Variants in TULP3 observed in about 807,000 individuals in gnomAD.
TULP3 encodes the protein tubby-related protein 3.
In TULP3, 38 loss-of-function variants were observed where a neutral mutation model predicts 50.7. The observed-to-expected ratio is 0.75, with a 90% CI of 0.58 to 0.98. The LOEUF (loss-of-function observed/expected upper bound fraction) is 0.98. Among genes scored for constraint, TULP3 ranks in the 50% least tolerant of loss-of-function variants. TULP3 has a pLI of 0.00. For missense variants in TULP3, 550 were observed against 568.0 expected (o/e 0.97, Z 0.32); for synonymous variants, 183 against 196.6 (o/e 0.93, Z 0.58).
Position 2,920,984 on chromosome 12 carries a change from G to A in TULP3, c.253+62G>A, listed in dbSNP as rs900686027. The A allele has an allele frequency of 1.1e-5, 17 of 1,594,026 alleles. No individual in the cohort carries two copies. The Admixed American group carries it at 1.4e-4, about 13-fold the overall frequency. Reference sequence around the variant, plus strand: ...CAATTTTCACAAACCTAGAAGGCACGAGGATTGTCAGACGGACCAAAGGGA... The same window carrying A: ...CAATTTTCACAAACCTAGAAGGCACAAGGATTGTCAGACGGACCAAAGGGA... On this transcript the variant is annotated intron_variant, in intron 3 of 10. Transcript: ENST00000448120.
chr12:2,902,864 ATT>A (rs55745440), intron 1 of TULP3, among the ~76,000 whole-genome samples: 19 of 144,774 alleles, frequency 1.3e-4, no homozygotes, highest in Non-Finnish European at 1.8e-4. Flanking sequence ...GGGCAATGGG[ATT>A]TTTTTTTTTT....
At chr12:2,911,943 G>C (rs1015477041) in intron 2 of TULP3, among the ~76,000 whole-genome samples, 1 of 151,318 alleles carries the variant, frequency 6.6e-6, no homozygotes, top group Admixed American at 6.6e-5. Flanking sequence ...GGGCAACACA[G>C]CAAGACACCA....
intron 1 of TULP3, among the ~76,000 whole-genome samples, chr12:2,903,043 G>A (rs968117572): frequency 6.6e-6 from 1 of 151,472 alleles, no homozygotes; most frequent in East Asian, 2.0e-4. Flanking sequence ...TGTATTTTTA[G>A]TAGAGATGGG....
At chr12:2,895,876 T>C (rs2098175264) in intron 1 of TULP3, among the ~76,000 whole-genome samples, 1 of 151,652 alleles carries the variant, frequency 6.6e-6, no homozygotes, top group Non-Finnish European at 1.5e-5. Flanking sequence ...TACTGAATAT[T>C]GTAGGCAATT....
intron 1 of TULP3, among the ~76,000 whole-genome samples, 198 bp downstream of exon 1, chr12:2,891,186 C>T (rs1232895251): frequency 1.3e-5 from 2 of 152,140 alleles, no homozygotes; most frequent in Non-Finnish European, 1.5e-5. Flanking sequence ...AGTGGAGCGG[C>T]GGCACTACAT....
Position 2,940,575 on chromosome 12 carries a change from G to T in TULP3, c.*1131G>T, listed in dbSNP as rs763744069. ...ATGCAGGAGCTCTGTGAGCTCCACC[G>T]TCAGCACCATTCAGCTGCATCCCTT... On this transcript the variant is annotated 3_prime_UTR_variant, in exon 11 of 11. Transcript: ENST00000448120. 6 of 1,551,544 alleles carry T rather than the reference G, an allele frequency of 3.9e-6. No individual in the cohort carries two copies. The highest frequency in any genetic ancestry group is 5.2e-6 in the Non-Finnish European group (6 of 1,146,968).
At chr12:2,913,703 C>T (rs10774078) in intron 2 of TULP3, among the ~76,000 whole-genome samples, 33,971 of 152,132 alleles carry the variant, frequency 0.22, 3,930 homozygotes, top group East Asian at 0.36. Context: ...CTCCGCCTCC[C>T]GGGTTCAAGC....
chr12:2,904,016 T>C (rs898759387), intron 1 of TULP3, among the ~76,000 whole-genome samples: 1 of 152,040 alleles, frequency 6.6e-6, no homozygotes, highest in Admixed American at 6.6e-5. Context: ...ACTCCTGACC[T>C]CGTGATCCGC....
At chr12:2,897,905 C>A (rs2098176478) in intron 1 of TULP3, among the ~76,000 whole-genome samples, 1 of 151,250 alleles carries the variant, frequency 6.6e-6, no homozygotes, top group African/African-American at 2.4e-5. Context: ...ATGGTGAAAC[C>A]CTGTCTCTAC....
intron 1 of TULP3, among the ~76,000 whole-genome samples, chr12:2,904,173 T>C (rs1170164714): frequency 1.3e-5 from 2 of 152,206 alleles, no homozygotes; most frequent in African/African-American, 2.4e-5. Context: ...CAGGCCTTAT[T>C]TGAATTTTGT....
At chr12:2,919,031 T>G (rs1741542043) in intron 2 of TULP3, among the ~76,000 whole-genome samples, 1 of 152,132 alleles carries the variant, frequency 6.6e-6, no homozygotes, top group Non-Finnish European at 1.5e-5. Context: ...TAGCTGGGAT[T>G]ACAGGCATGC....
At chr12:2,918,246 C>G (rs4766005) in intron 2 of TULP3, among the ~76,000 whole-genome samples, 21 of 150,830 alleles carry the variant, frequency 1.4e-4, no homozygotes, top group African/African-American at 4.8e-4. Context: ...CCCAAGTAGC[C>G]GGGATTACAG....
Position 2,920,830 on chromosome 12 carries a change from A to T in TULP3, c.161A>T (p.Glu54Val). The change falls in exon 3 of 11, where the codon GAA becomes GTA. Residue 54 changes from glutamate to valine, a missense_variant. Physicochemically the swap from Glu to Val is moderately radical, Grantham distance 121. Transcript: ENST00000448120. ...LEPFMVQPNP[E>V]ARLRRAKPRA... is the part of the protein sequence containing the mutation. The stretch of plus-strand genomic sequence containing the variant: ...CCATTTATGGTGCAGCCCAATCCAG[A>T]AGCCAGGCTACGTCGGGCAAAGCCA... The T allele has an allele frequency of 6.2e-7, 1 of 1,614,154 alleles. No homozygotes were observed. The highest frequency in any genetic ancestry group is 2.2e-5 in the East Asian group (1 of 44,866).
intron 4 of TULP3, among the ~76,000 whole-genome samples, chr12:2,926,051 T>C (rs2098194490): frequency 6.6e-6 from 1 of 152,230 alleles, no homozygotes; most frequent in African/African-American, 2.4e-5. Flanking sequence ...TCCAATTTGC[T>C]TGTCTTAAAA....
At chr12:2,933,150 C>G (rs1457841313) in intron 6 of TULP3, among the ~76,000 whole-genome samples, 1 of 152,000 alleles carries the variant, frequency 6.6e-6, no homozygotes, top group Admixed American at 6.6e-5. Context: ...ACGGTGTTAG[C>G]CAGGATGGTC....
rs777643586 is a variant in TULP3 at position 2,940,228 on chromosome 12, A to T, written c.*784A>T. 3.0e-6 allele frequency: 4 copies of T among 1,350,464 alleles called. No homozygotes were observed. In the South Asian group the frequency reaches 4.9e-5, roughly 17 times the overall value. The allele number at this position is 1,350,464 out of a possible 1,614,324, so 83.7% of individuals were successfully genotyped here. A position where few individuals can be genotyped will look rare whatever the true frequency, so the allele number is the denominator to read the frequency against. On this transcript the variant is annotated 3_prime_UTR_variant, in exon 11 of 11. Coordinates refer to ENST00000448120, the MANE Select transcript of TULP3 (RefSeq NM_003324.5). Reference sequence around the variant, plus strand: ...CTCACAGCTATATGACTACGGATCCATTAGTGAGGAGCGACACACACACCT... The same window carrying T: ...CTCACAGCTATATGACTACGGATCCTTTAGTGAGGAGCGACACACACACCT...
intron 1 of TULP3, among the ~76,000 whole-genome samples, chr12:2,892,080 C>T (rs1273877370): frequency 8.9e-6 from 1 of 112,330 alleles, no homozygotes; most frequent in African/African-American, 4.0e-5. Flanking sequence ...ATCCTGTCAC[C>T]TTAAAAAAAA....
At chr12:2,916,942 TAGAG>T (rs977419978) in intron 2 of TULP3, among the ~76,000 whole-genome samples, 9 of 152,168 alleles carry the variant, frequency 5.9e-5, no homozygotes, top group East Asian at 1.9e-4. Flanking sequence ...TGTAAGTAGA[TAGAG>T]AGAGGCTTCC....
At chr12:2,920,659 C>A in intron 2 of TULP3, 104 bp from the exon 3 acceptor site, 2 of 1,369,232 alleles carry the variant, frequency 1.5e-6, no homozygotes, top group Middle Eastern at 2.5e-4. Context: ...AAATAATTTA[C>A]AAGATGTTTT....
Sources: gnomAD v4.1 joint callset for allele counts (sites outside exome capture counted in the v4.1 genomes callset) on GRCh38, gnomAD v4.1.1 for gene constraint, MANE v1.5 for transcripts, NCBI Gene and HGNC (gene_info 2026-07-23, HGNC 2026-07-21) for gene names.